TSTD2: variants seen among roughly 807,000 people sequenced by gnomAD.
TSTD2 encodes the protein thiosulfate sulfurtransferase like domain containing 2.
Under a neutral mutation model 47.9 loss-of-function variants are expected in TSTD2, and 37 were observed. That is an observed-to-expected ratio of 0.77 (90% CI 0.59 to 1.02). The LOEUF (loss-of-function observed/expected upper bound fraction) is 1.02. Ranked by LOEUF, TSTD2 falls within the 50% of genes least tolerant of loss-of-function variation. The pLI, the probability that TSTD2 is intolerant of heterozygous loss-of-function variation, is 0.00. For synonymous variants in TSTD2, 201 were observed against 215.9 expected (o/e 0.93, Z 0.61); for missense variants, 586 against 616.0 (o/e 0.95, Z 0.52).
intron 1 of TSTD2, among the ~76,000 whole-genome samples, chr9:97,632,722 C>A (rs535791984): frequency 1.3e-5 from 2 of 152,144 alleles, no homozygotes; most frequent in Non-Finnish European, 2.9e-5. Flanking sequence ...GTAACACGAT[C>A]TGATTCTGGA....
chr9:97,610,293 T>C, intron 6 of TSTD2, 53 bp downstream of exon 6: 1 of 1,488,888 alleles, frequency 6.7e-7, no homozygotes, highest in Non-Finnish European at 9.2e-7. Context: ...CTTATTTGTC[T>C]ATTAAGTTTT....
intron 2 of TSTD2, 130 bp from the exon 3 acceptor site, chr9:97,626,127 A>C: frequency 1.1e-6 from 1 of 879,106 alleles, no homozygotes; most frequent in Non-Finnish European, 1.7e-6. Flanking sequence ...ATGTTATACA[A>C]TTCTCTGAGA....
At chr9:97,606,607 G>C (rs896112278) in intron 6 of TSTD2, among the ~76,000 whole-genome samples, 1 of 152,138 alleles carries the variant, frequency 6.6e-6, no homozygotes, top group Non-Finnish European at 1.5e-5. Flanking sequence ...TGAATTTGCT[G>C]GTCCATTGTA....
Position 97,602,543 on chromosome 9 carries a change from A to C in TSTD2, c.1477T>G (p.Leu493Val). The part of the protein sequence containing the change: ...ARRPRIPREL[L>V]QHVRQPVSPE... ...CTCACAGGCTGTCGCACATGCTGCA[A>C]GAGTTCCCTAGGTATGCGTGGCCGT... The change falls in exon 10 of 10, where the codon TTG becomes GTG. Residue 493 changes from leucine to valine, a missense_variant. Coordinates refer to ENST00000341170, the MANE Select transcript of TSTD2 (RefSeq NM_139246.5). 6.2e-7 allele frequency: 1 copy of C among 1,614,212 alleles called. No homozygotes were observed. Among genetic ancestry groups the C allele is most frequent in the Non-Finnish European group, 8.5e-7 (1 of 1,180,022 alleles).
intron 4 of TSTD2, 140 bp from the exon 5 acceptor site, chr9:97,611,839 G>A (rs762171340): frequency 8.7e-5 from 70 of 801,324 alleles, no homozygotes; most frequent in Non-Finnish European, 1.3e-4. Context: ...AGTGTTACTG[G>A]ACAAAGATAT....
In TSTD2 at chr9:97,602,716, G is replaced by A; in HGVS notation, c.1304C>T (p.Pro435Leu). ...GGTCAAAACGAGCTGGCGGCACTGG[G>A]GAGTAGAGCAGAGTTTATACTGGTC... ...RWDQYKLCSTPQCRQLVLTCP... is the reference protein window; with the variant it reads ...RWDQYKLCSTLQCRQLVLTCP... Residue 435 changes from proline to leucine, a missense_variant, in exon 10 of 10, where the codon CCC becomes CTC. Transcript: ENST00000341170. The A allele has an allele frequency of 6.2e-7, 1 of 1,614,174 alleles. No homozygotes were observed. The highest frequency in any genetic ancestry group is 8.5e-7 in the Non-Finnish European group (1 of 1,180,030).
At chr9:97,612,095 A>G (rs762572969) in intron 4 of TSTD2, among the ~76,000 whole-genome samples, 3 of 152,146 alleles carry the variant, frequency 2.0e-5, no homozygotes, top group Admixed American at 6.5e-5. Flanking sequence ...TCCCACTTAT[A>G]AGTGAAAATA....
chr9:97,625,717 G>A lies in TSTD2; in HGVS notation c.446C>T (p.Pro149Leu), dbSNP rs764301420. The A allele has an allele frequency of 6.2e-7, 1 of 1,613,890 alleles. No individual in the cohort carries two copies. Among genetic ancestry groups the A allele is most frequent in the Non-Finnish European group, 8.5e-7 (1 of 1,179,876 alleles). ...PHSHDVSAWL[P>L]DISCFNPDEL... ...ATCAGGGTTAAAGCAGCTTATATCAGGGAGCCAAGCAGACACGTCATGGCT... is the reference window on the plus strand; with the variant it reads ...ATCAGGGTTAAAGCAGCTTATATCAAGGAGCCAAGCAGACACGTCATGGCT... Residue 149 changes from proline (P) to leucine (L), a missense_variant, in exon 3 of 10, where the codon CCT becomes CTT. By Grantham distance (98) the Pro-to-Leu change is moderately conservative (BLOSUM62 -3). Transcript: ENST00000341170.
rs1826222463 is a variant in TSTD2 at position 97,600,222 on chromosome 9, C to T, written c.*2247G>A. 1.0e-6 allele frequency: 1 copy of T among 993,872 alleles called. No individual in the cohort carries two copies. The allele number at this position is 993,872 out of a possible 1,614,324, so 61.6% of individuals were successfully genotyped here. A position where few individuals can be genotyped will look rare whatever the true frequency, so the allele number is the denominator to read the frequency against. On this transcript the variant is annotated 3_prime_UTR_variant, in exon 10 of 10. Transcript: ENST00000341170. ...GCCAAATTGATTACTGGATCCAGAACACAATTTTCCCCTCAGAACAGATAG... is the reference window on the plus strand; with the variant it reads ...GCCAAATTGATTACTGGATCCAGAATACAATTTTCCCCTCAGAACAGATAG...
chr9:97,625,969 T>C lies in TSTD2; in HGVS notation c.194A>G (p.Glu65Gly). 6.2e-7 allele frequency: 1 copy of C among 1,612,306 alleles called. No homozygotes were observed. The highest frequency in any genetic ancestry group is 8.5e-7 in the Non-Finnish European group (1 of 1,179,480). ...TTCAAAACTCCTTTTTGTTGGAACT[T>C]CTTTGGTTTTGACAAAAAGGGCAAA... The part of the protein sequence containing the change: ...KAFALFVKTK[E>G]VPTKRSFECK... Residue 65 changes from glutamate to glycine, a missense_variant, in exon 3 of 10, where the codon GAA (glutamate) becomes GGA (glycine). Physicochemically the swap from Glu to Gly is moderately conservative, Grantham distance 98 (BLOSUM62 -2). Transcript: ENST00000341170.
rs1295728884 is a variant in TSTD2 at position 97,627,557 on chromosome 9, A to C, written c.6T>G (p.Pro2=). 1 of 1,605,676 alleles carries C rather than the reference A, an allele frequency of 6.2e-7. No homozygotes were observed. Among genetic ancestry groups the C allele is most frequent in the Non-Finnish European group, 8.5e-7 (1 of 1,174,632 alleles). The change falls in exon 2 of 10, where the codon CCT becomes CCG. Residue 2 remains proline (P), a synonymous_variant. Transcript: ENST00000341170. M[P]SSTSPDQGDD... is the part of the protein sequence containing the mutation. Reference sequence around the variant, plus strand: ...CTCCTTGGTCTGGTGAAGTGGAAGAAGGCATCTGGTTTGGTTGCAACAGTG... The same window carrying C: ...CTCCTTGGTCTGGTGAAGTGGAAGACGGCATCTGGTTTGGTTGCAACAGTG...
At position 97,602,351 on chromosome 9, in the gene TSTD2, CAGCG is replaced by C; in HGVS notation, c.*114_*117del. ...GAAGTGTAGACGGCTGCCACGGTGG[CAGCG>C]GCCAGAACTGAAGTTCCCGATTTCT... On this transcript the variant is annotated 3_prime_UTR_variant, in exon 10 of 10. Coordinates refer to ENST00000341170, the MANE Select transcript of TSTD2 (RefSeq NM_139246.5). 1 of 1,251,420 alleles carries C rather than the reference CAGCG, an allele frequency of 8.0e-7. No individual in the cohort carries two copies. The highest frequency in any genetic ancestry group is 1.1e-6 in the Non-Finnish European group (1 of 927,334). 77.5% of individuals were successfully genotyped at this position (1,251,420 alleles called of 1,614,324 possible).
intron 4 of TSTD2, among the ~76,000 whole-genome samples, chr9:97,615,612 ACT>A (rs1826531310): frequency 6.6e-6 from 1 of 151,906 alleles, no homozygotes; most frequent in Non-Finnish European, 1.5e-5. Flanking sequence ...CAAACACAAA[ACT>A]CTCATTAAAC....
At chr9:97,609,103 T>C (rs183126359) in intron 6 of TSTD2, among the ~76,000 whole-genome samples, 44 of 152,272 alleles carry the variant, frequency 2.9e-4, no homozygotes, top group Non-Finnish European at 1.6e-4. Flanking sequence ...GTGACATACA[T>C]ACTGAATCTC....
intron 3 of TSTD2, among the ~76,000 whole-genome samples, chr9:97,622,223 A>G (rs563730974): frequency 7.7e-4 from 117 of 152,162 alleles, no homozygotes; most frequent in African/African-American, 2.7e-3. Context: ...CATCCCAGCC[A>G]CTCTAGCTGT....
chr9:97,604,883 A>G lies in TSTD2; in HGVS notation c.1114-18T>C, dbSNP rs756527520. ...CACACTCCCTAGGTGTGGAAAAACAACAGGAAATCTGAAGAGCCAGCAGAG... is the reference window on the plus strand; with the variant it reads ...CACACTCCCTAGGTGTGGAAAAACAGCAGGAAATCTGAAGAGCCAGCAGAG... On this transcript the variant is annotated intron_variant, in intron 8 of 9. Transcript: ENST00000341170. 1 of 1,612,462 alleles carries G rather than the reference A, an allele frequency of 6.2e-7. No homozygotes were observed. Among genetic ancestry groups the G allele is most frequent in the South Asian group, 1.1e-5 (1 of 90,910 alleles).
chr9:97,619,266 G>T (rs545481456), intron 3 of TSTD2, among the ~76,000 whole-genome samples: 1 of 152,152 alleles, frequency 6.6e-6, no homozygotes, highest in South Asian at 2.1e-4. Flanking sequence ...AGGGAATGTG[G>T]CACTGAGTAG....
At chr9:97,605,995 A>G in intron 7 of TSTD2, 148 bp downstream of exon 7, 1 of 709,280 alleles carries the variant, frequency 1.4e-6, no homozygotes. Flanking sequence ...GAGTTTTAGG[A>G]CTTGGGTTTT....
intron 3 of TSTD2, among the ~76,000 whole-genome samples, chr9:97,620,462 G>A (rs971458380): frequency 1.3e-5 from 2 of 152,200 alleles, no homozygotes; most frequent in Non-Finnish European, 2.9e-5. Context: ...GGGTGCTGCT[G>A]AAAAGACACC....
Sources: allele counts gnomAD v4.1 joint callset (sites outside exome capture counted in the v4.1 genomes callset), GRCh38; gene constraint gnomAD v4.1.1; transcripts MANE v1.5; gene names NCBI Gene and HGNC (gene_info 2026-07-23, HGNC 2026-07-21).